ZBTB20: variants seen among roughly 807,000 people sequenced by gnomAD.
ZBTB20 encodes zinc finger and BTB domain containing 20.
ZBTB20 carries 9 observed loss-of-function variants against 56.9 expected under a neutral mutation model. That is an observed-to-expected ratio of 0.16 (90% CI 0.10 to 0.28). ZBTB20 has a LOEUF of 0.28. Among genes scored for constraint, ZBTB20 ranks in the 10% least tolerant of loss-of-function variants. The pLI, the probability that ZBTB20 is intolerant of heterozygous loss-of-function variation, is 1.00. For synonymous variants in ZBTB20, 417 were observed against 420.7 expected (o/e 0.99, Z 0.11); for missense variants, 655 against 1,003.0 (o/e 0.65, Z 4.69).
At chr3:114,976,700 T>C (rs2078116035) in intron 2 of ZBTB20, among the ~76,000 whole-genome samples, 1 of 152,056 alleles carries the variant, frequency 6.6e-6, no homozygotes, top group South Asian at 2.1e-4. Flanking sequence ...TTGCCTAGTA[T>C]AATGGCCAGC....
intron 6 of ZBTB20, among the ~76,000 whole-genome samples, chr3:114,548,469 G>A (rs1410026973): frequency 1.3e-5 from 2 of 151,544 alleles, no homozygotes; most frequent in Non-Finnish European, 2.9e-5. Flanking sequence ...AGGATATCAA[G>A]TTTTAAAAAC....
At chr3:114,857,506 G>A (rs767731783) in intron 4 of ZBTB20, among the ~76,000 whole-genome samples, 4 of 152,130 alleles carry the variant, frequency 2.6e-5, no homozygotes, top group African/African-American at 7.2e-5. Flanking sequence ...ACAGGGCTGC[G>A]GAGAGAGGTT....
chr3:114,799,427 T>G (rs1259415229), intron 5 of ZBTB20, among the ~76,000 whole-genome samples: 6 of 151,920 alleles, frequency 3.9e-5, no homozygotes, highest in Non-Finnish European at 8.8e-5. Context: ...TATGATATGA[T>G]AAGCAGAAAG....
chr3:115,062,087 T>TA (rs2082031988), intron 2 of ZBTB20, among the ~76,000 whole-genome samples: 1 of 151,970 alleles, frequency 6.6e-6, no homozygotes, highest in Non-Finnish European at 1.5e-5. Flanking sequence ...TTCACACACA[T>TA]ACACTCAAAA....
At chr3:115,055,790 C>CATTAGCTGAGCA (rs1194774508) in intron 2 of ZBTB20, among the ~76,000 whole-genome samples, 4 of 151,974 alleles carry the variant, frequency 2.6e-5, no homozygotes, top group Non-Finnish European at 4.4e-5. Context: ...ATGTTTACTT[C>CATTAGCTGAGCA]ATTAGCTGAG....
intron 11 of ZBTB20, among the ~76,000 whole-genome samples, chr3:114,343,741 C>T (rs1219431628): frequency 2.0e-5 from 3 of 152,166 alleles, no homozygotes; most frequent in Non-Finnish European, 2.9e-5. Context: ...CGTCAAGAGA[C>T]GTCTGTTTAA....
chr3:114,861,022 T>C (rs1475978666), intron 4 of ZBTB20, among the ~76,000 whole-genome samples: 1 of 152,202 alleles, frequency 6.6e-6, no homozygotes, highest in Non-Finnish European at 1.5e-5. Flanking sequence ...TCAAAGCTCA[T>C]TAAGTACTTC....
chr3:114,979,501 T>C (rs1011614373), intron 2 of ZBTB20, among the ~76,000 whole-genome samples: 2 of 152,036 alleles, frequency 1.3e-5, no homozygotes, highest in Admixed American at 1.3e-4. Flanking sequence ...CTATGACTTC[T>C]GGTTAATTGT....
At chr3:114,668,516 A>G (rs1216566753) in intron 6 of ZBTB20, among the ~76,000 whole-genome samples, 1 of 152,016 alleles carries the variant, frequency 6.6e-6, no homozygotes, top group Non-Finnish European at 1.5e-5. Context: ...ATCCCCTAAA[A>G]TCAGTGGAAT....
intron 6 of ZBTB20, among the ~76,000 whole-genome samples, chr3:114,671,622 A>G (rs1227568398): frequency 6.6e-6 from 1 of 152,050 alleles, no homozygotes; most frequent in Non-Finnish European, 1.5e-5. Flanking sequence ...CACTGTTAAA[A>G]GGTTATTAGA....
intron 3 of ZBTB20, among the ~76,000 whole-genome samples, chr3:114,952,447 C>T (rs534372482): frequency 2.7e-4 from 41 of 151,992 alleles, no homozygotes; most frequent in African/African-American, 9.9e-4. Flanking sequence ...ATTAATTATC[C>T]AATTTCTGGT....
chr3:114,550,097 C>T (rs937220321), intron 6 of ZBTB20, among the ~76,000 whole-genome samples: 1 of 151,320 alleles, frequency 6.6e-6, no homozygotes, highest in African/African-American at 2.4e-5. Flanking sequence ...GCCACCATGC[C>T]TAGCTAATTT....
At position 114,497,628 on chromosome 3, in the gene ZBTB20, A is replaced by C. The variant is rs534404929; in HGVS notation, c.-255+2724T>G. 9.9e-5 allele frequency among the ~76,000 whole-genome samples: 15 copies of C among 152,202 alleles called. No homozygotes were observed. The East Asian group carries it at 1.2e-3, about 12-fold the overall frequency. ...ACATCCAAGTGGGCACTCCTCCTTCATTCCTCTTACTACGTCTTGTATATA... is the reference window on the plus strand; with the variant it reads ...ACATCCAAGTGGGCACTCCTCCTTCCTTCCTCTTACTACGTCTTGTATATA... On this transcript the variant is annotated intron_variant, in intron 7 of 11. Transcript: ENST00000675478.
intron 5 of ZBTB20, among the ~76,000 whole-genome samples, chr3:114,698,668 G>C (rs561243941): frequency 3.3e-5 from 5 of 152,166 alleles, no homozygotes; most frequent in Non-Finnish European, 7.4e-5. Context: ...CCCTCAATGT[G>C]TGTTTGCAAA....
At chr3:114,944,462 A>C (rs2076821327) in intron 3 of ZBTB20, among the ~76,000 whole-genome samples, 1 of 145,652 alleles carries the variant, frequency 6.9e-6, no homozygotes, top group Admixed American at 6.6e-5. Flanking sequence ...CATATGATCC[A>C]GTAATTTGAC....
At chr3:114,888,160 G>A (rs1194836155) in intron 4 of ZBTB20, among the ~76,000 whole-genome samples, 1 of 151,990 alleles carries the variant, frequency 6.6e-6, no homozygotes, top group African/African-American at 2.4e-5. Context: ...GCTCACGCCT[G>A]TAAATCCAGC....
intron 6 of ZBTB20, among the ~76,000 whole-genome samples, chr3:114,652,450 T>A (rs138781644): frequency 1.3e-5 from 2 of 152,044 alleles, no homozygotes; most frequent in African/African-American, 4.8e-5. Flanking sequence ...ACAAATAAAG[T>A]CAGTATAAAC....
At chr3:114,715,701 C>T (rs1483235693) in intron 5 of ZBTB20, among the ~76,000 whole-genome samples, 1 of 152,092 alleles carries the variant, frequency 6.6e-6, no homozygotes, top group African/African-American at 2.4e-5. Context: ...ATAACTTGTC[C>T]CTTCCAGAAT....
chr3:114,895,691 CAAGAG>C (rs144701776), intron 4 of ZBTB20, among the ~76,000 whole-genome samples: 3,506 of 152,018 alleles, frequency 0.023, 46 homozygotes, highest in South Asian at 0.05. Flanking sequence ...TATATTTTGT[CAAGAG>C]AAGAGAGGAA....
Sources: allele counts gnomAD v4.1 joint callset (sites outside exome capture counted in the v4.1 genomes callset), GRCh38; gene constraint gnomAD v4.1.1; transcripts MANE v1.5; gene names NCBI Gene and HGNC (gene_info 2026-07-23, HGNC 2026-07-21).